RBFOX1: variants seen among roughly 807,000 people sequenced by gnomAD.
RBFOX1 encodes RNA binding protein fox-1 homolog 1.
A neutral mutation model predicts 57.7 loss-of-function variants in RBFOX1; 8 were observed. The ratio of observed to expected loss-of-function variants is 0.14; its 90% confidence interval spans 0.08 to 0.25. The LOEUF (loss-of-function observed/expected upper bound fraction) is 0.25. Ranked by LOEUF, RBFOX1 falls within the 10% of genes least tolerant of loss-of-function variation. The pLI is 1.00. For missense variants in RBFOX1, 611 were observed against 548.5 expected (o/e 1.11, Z -1.14); for synonymous variants, 326 against 222.4 (o/e 1.47, Z -4.15).
At chr16:5,682,010 A>T (rs2050354829) in intron 3 of RBFOX1, among the ~76,000 whole-genome samples, 2 of 152,094 alleles carry the variant, frequency 1.3e-5, no homozygotes, top group African/African-American at 4.8e-5. Context: ...TAATATATAT[A>T]TGAGCCTGGG....
Position 5,388,640 on chromosome 16 carries a change from G to C in RBFOX1, c.220-78576G>C, listed in dbSNP as rs187244151. Reference sequence around the variant, plus strand: ...CACCCAGGCTAGAGTGGCGTGGTATGATCTCAGCTCACTGCAACCTCCACC... The same window carrying C: ...CACCCAGGCTAGAGTGGCGTGGTATCATCTCAGCTCACTGCAACCTCCACC... On this transcript the variant is annotated intron_variant, in intron 1 of 2. Transcript: ENST00000585867. Among the ~76,000 whole-genome samples, 600 of 152,076 alleles carry C rather than the reference G, an allele frequency of 3.9e-3. 2 individuals carry two copies. Among genetic ancestry groups the C allele is most frequent in the Non-Finnish European group, 6.1e-3 (414 of 67,992 alleles).
intron 1 of RBFOX1, among the ~76,000 whole-genome samples, chr16:6,059,600 A>G (rs556171926): frequency 4.8e-5 from 7 of 147,016 alleles, no homozygotes; most frequent in Admixed American, 3.3e-4. Context: ...ATGTGTTTAA[A>G]TGGGTTCTCT....
At chr16:5,795,971 C>T (rs1178831826) in intron 3 of RBFOX1, among the ~76,000 whole-genome samples, 4 of 152,228 alleles carry the variant, frequency 2.6e-5, no homozygotes, top group Non-Finnish European at 4.4e-5. Context: ...TTTTCAAAGA[C>T]TTTGGCAGTA....
intron 3 of RBFOX1, among the ~76,000 whole-genome samples, chr16:5,743,387 A>T (rs2052852078): frequency 6.6e-6 from 1 of 152,184 alleles, no homozygotes. Context: ...CTCTTAAACC[A>T]AATGAGACCT....
intron 3 of RBFOX1, among the ~76,000 whole-genome samples, chr16:6,719,886 A>G (rs2154160965): frequency 6.6e-6 from 1 of 152,048 alleles, no homozygotes; most frequent in East Asian, 2.0e-4. Context: ...TGAGGTCAGG[A>G]GTTCGAGACC....
At chr16:6,636,806 A>AATATATGTT (rs2098438322) in intron 2 of RBFOX1, among the ~76,000 whole-genome samples, 1 of 10,334 alleles carries the variant, frequency 9.7e-5, no homozygotes, top group African/African-American at 1.1e-4. Context: ...TGTTATATAT[A>AATATATGTT]ATATATAATA....
chr16:6,720,956 C>T (rs2065871613), intron 3 of RBFOX1, among the ~76,000 whole-genome samples: 1 of 152,050 alleles, frequency 6.6e-6, no homozygotes, highest in South Asian at 2.1e-4. Flanking sequence ...AATACTGGGA[C>T]AGTATTAATT....
chr16:6,078,286 G>C (rs745986874), intron 1 of RBFOX1, among the ~76,000 whole-genome samples: 1 of 152,180 alleles, frequency 6.6e-6, no homozygotes, highest in Non-Finnish European at 1.5e-5. Flanking sequence ...TTAAGAGCAA[G>C]CCTCTAGAGC....
chr16:7,051,193 T>C (rs1409273517), intron 3 of RBFOX1, among the ~76,000 whole-genome samples: 2 of 152,204 alleles, frequency 1.3e-5, no homozygotes, highest in Non-Finnish European at 2.9e-5. Flanking sequence ...AGCTTAACTA[T>C]TTTAGTTGAC....
At chr16:6,950,167 A>G (rs1237967054) in intron 3 of RBFOX1, among the ~76,000 whole-genome samples, 1 of 141,330 alleles carries the variant, frequency 7.1e-6, no homozygotes, top group South Asian at 2.2e-4. Flanking sequence ...CATGTTGGCC[A>G]GGCTGGTCTC....
At chr16:7,026,159 T>A (rs1370353600) in intron 3 of RBFOX1, among the ~76,000 whole-genome samples, 2 of 152,096 alleles carry the variant, frequency 1.3e-5, no homozygotes, top group Admixed American at 6.5e-5. Flanking sequence ...GCGTGGGGTC[T>A]CCCTTAAACC....
intron 4 of RBFOX1, among the ~76,000 whole-genome samples, chr16:7,341,776 C>CTCTTTCCTTCCTTCCTTCCTTCCTTCCT (rs1377056870): frequency 2.1e-5 from 2 of 95,120 alleles, no homozygotes; most frequent in Non-Finnish European, 4.1e-5. Context: ...CCCTCCCTCC[C>CTCTTTCCTTCCTTCCTTCCTTCCTTCCT]TCCTTCCTTC....
intron 3 of RBFOX1, among the ~76,000 whole-genome samples, chr16:6,815,908 GGAAA>G (rs2089965690): frequency 6.6e-6 from 1 of 152,172 alleles, no homozygotes; most frequent in Admixed American, 6.5e-5. Flanking sequence ...TTCCACTGAA[GGAAA>G]GAAAGGACTG....
At chr16:6,687,542 A>T (rs2059613462) in intron 3 of RBFOX1, among the ~76,000 whole-genome samples, 1 of 152,184 alleles carries the variant, frequency 6.6e-6, no homozygotes, top group Non-Finnish European at 1.5e-5. Flanking sequence ...ACATGTCCTG[A>T]TATCTTGGTG....
At chr16:6,769,232 G>T (rs1256499372) in intron 3 of RBFOX1, among the ~76,000 whole-genome samples, 2 of 152,112 alleles carry the variant, frequency 1.3e-5, no homozygotes, top group Non-Finnish European at 2.9e-5. Flanking sequence ...CCCTGCACAA[G>T]TTCTTTCTTT....
At chr16:5,822,131 C>A (rs1349528694) in intron 3 of RBFOX1, among the ~76,000 whole-genome samples, 2 of 152,154 alleles carry the variant, frequency 1.3e-5, no homozygotes, top group Non-Finnish European at 2.9e-5. Flanking sequence ...ACAGCATTTG[C>A]AATGATCTGG....
At chr16:6,194,426 A>T (rs1386664225) in intron 1 of RBFOX1, among the ~76,000 whole-genome samples, 3 of 152,174 alleles carry the variant, frequency 2.0e-5, no homozygotes. Flanking sequence ...GACCAAGCTT[A>T]GTAACGTGAC....
intron 3 of RBFOX1, among the ~76,000 whole-genome samples, chr16:6,774,311 G>C (rs2078963065): frequency 6.6e-6 from 1 of 152,086 alleles, no homozygotes; most frequent in Non-Finnish European, 1.5e-5. Flanking sequence ...GCCCCTCCAG[G>C]AAAGTATCAG....
intron 3 of RBFOX1, among the ~76,000 whole-genome samples, chr16:5,827,912 T>C (rs12051009): frequency 3.3e-4 from 43 of 130,522 alleles, no homozygotes; most frequent in South Asian, 2.4e-3. Context: ...CATCCATCCA[T>C]CCATCCACCC....
Sources: allele counts gnomAD v4.1 joint callset (sites outside exome capture counted in the v4.1 genomes callset), GRCh38; gene constraint gnomAD v4.1.1; transcripts MANE v1.5; gene names NCBI Gene and HGNC (gene_info 2026-07-23, HGNC 2026-07-21).